Variants in SLC22A14 observed in about 807,000 individuals in gnomAD.
SLC22A14 encodes organic cation transporter-like 4.
A neutral mutation model predicts 53.9 loss-of-function variants in SLC22A14; 50 were observed. The ratio of observed to expected loss-of-function variants is 0.93; its 90% confidence interval spans 0.74 to 1.17. The LOEUF (loss-of-function observed/expected upper bound fraction) is 1.17. SLC22A14 is among the 50% of genes most tolerant of loss of function. SLC22A14 has a pLI of 0.00. For synonymous variants in SLC22A14, 312 were observed against 303.0 expected, an observed-to-expected ratio of 1.03 and a Z score of -0.31; for missense variants, 671 against 734.7, an observed-to-expected ratio of 0.91 and a Z score of 1.00.
chr3:38,300,214 C>T (rs890944023), intron 1 of SLC22A14, among the ~76,000 whole-genome samples: 2 of 152,062 alleles, frequency 1.3e-5, no homozygotes, highest in Non-Finnish European at 2.9e-5. Flanking sequence ...CCAAGGTGGG[C>T]GGATCACCTA....
intron 1 of SLC22A14, among the ~76,000 whole-genome samples, chr3:38,304,190 CAA>C (rs71245390): frequency 4.9e-5 from 6 of 121,572 alleles, no homozygotes; most frequent in Admixed American, 1.7e-4. Flanking sequence ...GACTCTGTCT[CAA>C]AAAAAAAAAA....
chr3:38,298,554 TTG>T (rs112527761), intron 1 of SLC22A14, among the ~76,000 whole-genome samples: 31 of 148,836 alleles, frequency 2.1e-4, no homozygotes, highest in Admixed American at 4.0e-4. Flanking sequence ...CTTCCCTGTC[TTG>T]TGTGTGTGTG....
upstream of SLC22A14, among the ~76,000 whole-genome samples, chr3:38,281,460 GC>G (rs1286169694): frequency 6.6e-6 from 1 of 152,134 alleles, no homozygotes; most frequent in Non-Finnish European, 1.5e-5. Context: ...TCTGGTAAGG[GC>G]CTTCTTGCTG....
At chr3:38,288,060 C>T (rs891301342) in intron 1 of SLC22A14, among the ~76,000 whole-genome samples, 5 of 152,170 alleles carry the variant, frequency 3.3e-5, no homozygotes, top group African/African-American at 1.2e-4. Context: ...TTCATTTTCC[C>T]AAGCTGAAAT....
chr3:38,302,570 T>G (rs924621084), intron 1 of SLC22A14, among the ~76,000 whole-genome samples: 1 of 151,974 alleles, frequency 6.6e-6, no homozygotes, highest in Non-Finnish European at 1.5e-5. Context: ...GGTGGGAAGA[T>G]TGCTTGAGCC....
intron 10 of SLC22A14, among the ~76,000 whole-genome samples, chr3:38,316,968 G>T (rs1575427455): frequency 6.6e-6 from 1 of 152,224 alleles, no homozygotes; most frequent in East Asian, 1.9e-4. Context: ...AAGGACTCTG[G>T]CCTCTTGGCC....
chr3:38,296,332 C>A (rs1002505523), intron 1 of SLC22A14, among the ~76,000 whole-genome samples: 1 of 151,582 alleles, frequency 6.6e-6, no homozygotes. Context: ...GACCAACGTT[C>A]CCAACCCAGA....
chr3:38,310,978 C>G (rs1441166971), intron 5 of SLC22A14, among the ~76,000 whole-genome samples: 6 of 152,214 alleles, frequency 3.9e-5, no homozygotes, highest in African/African-American at 1.4e-4. Flanking sequence ...ATCTCTCTCA[C>G]TGTCTGGAAT....
At chr3:38,314,219 T>C (rs1271482301) in intron 8 of SLC22A14, among the ~76,000 whole-genome samples, 1 of 152,200 alleles carries the variant, frequency 6.6e-6, no homozygotes, top group Non-Finnish European at 1.5e-5. Flanking sequence ...TTCCACCAGA[T>C]TCCAATCCAC....
Position 38,307,137 on chromosome 3 carries a change from A to G in SLC22A14, c.517-117A>G, listed in dbSNP as rs1704327122. 1 of 755,332 alleles carries G rather than the reference A, an allele frequency of 1.3e-6. No individual in the cohort carries two copies. The highest frequency in any genetic ancestry group is 1.7e-5 in the African/African-American group (1 of 58,628). 46.8% of individuals were successfully genotyped at this position (755,332 alleles called of 1,614,324 possible). A position where few individuals can be genotyped will look rare whatever the true frequency, so the allele number is the denominator to read the frequency against. On this transcript the variant is annotated intron_variant, in intron 2 of 10. Coordinates refer to ENST00000448498, the MANE Select transcript of SLC22A14 (RefSeq NM_001320033.2). The surrounding 1 kb of genome is among the most constrained non-coding windows in gnomAD (Gnocchi z 4.4). ...AGGCAACAGCTGAGGCACGCTGCAC[A>G]CTGTTAACTGCCCCTACCCCAGGTC...
chr3:38,311,939 C>T (rs1704479162), intron 5 of SLC22A14, among the ~76,000 whole-genome samples: 3 of 152,192 alleles, frequency 2.0e-5, no homozygotes, highest in Admixed American at 2.0e-4. Context: ...GGCCAATCCC[C>T]CATCTTTTTG....
At chr3:38,287,828 A>G (rs528267373) in intron 1 of SLC22A14, among the ~76,000 whole-genome samples, 1 of 152,332 alleles carries the variant, frequency 6.6e-6, no homozygotes, top group East Asian at 1.9e-4. Context: ...ATTCATGACC[A>G]TGAGATAGCT....
chr3:38,293,170 G>T (rs891705491), intron 1 of SLC22A14, among the ~76,000 whole-genome samples: 6 of 152,174 alleles, frequency 3.9e-5, no homozygotes, highest in African/African-American at 1.4e-4. Context: ...TGGGGCAGTG[G>T]GCCTTCCAGT....
Position 38,313,919 on chromosome 3 carries a change from G to GCTT in SLC22A14, c.1359_1361dup (p.Leu455dup). The GCTT allele has an allele frequency of 1.2e-6, 2 of 1,613,866 alleles. No individual in the cohort carries two copies. The highest frequency in any genetic ancestry group is 1.7e-6 in the Non-Finnish European group (2 of 1,179,954). ...TCCTCCAAGCCATCATCTGGTGCTT[G>GCTT]CTTCTCCTTTTCCTCCCTGAAGGTA... On this transcript the variant is annotated inframe_insertion, in exon 8 of 11. Coordinates refer to ENST00000448498, the MANE Select transcript of SLC22A14 (RefSeq NM_001320033.2).
At chr3:38,309,844 A>G (rs762096198) in intron 5 of SLC22A14, among the ~76,000 whole-genome samples, 1 of 152,188 alleles carries the variant, frequency 6.6e-6, no homozygotes, top group Non-Finnish European at 1.5e-5. Flanking sequence ...GCATGAAGCA[A>G]TGATCATATT....
At chr3:38,315,827 G>C in intron 9 of SLC22A14, 116 bp downstream of exon 9, 1 of 1,058,940 alleles carries the variant, frequency 9.4e-7, no homozygotes, top group East Asian at 2.4e-5. Flanking sequence ...GTGCTAAACA[G>C]TTTACATAAG....
At chr3:38,290,319 A>T (rs1464732857) in intron 1 of SLC22A14, among the ~76,000 whole-genome samples, 1 of 152,218 alleles carries the variant, frequency 6.6e-6, no homozygotes, top group Non-Finnish European at 1.5e-5. Context: ...GATGTCATCA[A>T]CATTGGAGCG....
At chr3:38,314,058 C>T (rs2125892528) in intron 8 of SLC22A14, 117 bp downstream of exon 8, 2 of 762,058 alleles carry the variant, frequency 2.6e-6, no homozygotes, top group East Asian at 2.6e-5. Flanking sequence ...GCCTTCTGCA[C>T]CTATAGCCCA....
rs752765312 is a variant in SLC22A14 at position 38,313,726 on chromosome 3, G to A, written c.1164-1G>A. 3.1e-6 allele frequency: 5 copies of A among 1,607,170 alleles called. No individual in the cohort carries two copies. In the Admixed American group the frequency reaches 5.0e-5, roughly 16 times the overall value. ...CGCACTTGCCTCCTGGCTTCATCCA[G>A]GTTTACCGTCAGTTACACCTATTTT... On this transcript the variant is annotated splice_acceptor_variant, in intron 7 of 10. Transcript: ENST00000448498. LOFTEE classifies it high-confidence loss of function.
Sources: allele counts gnomAD v4.1 joint callset (sites outside exome capture counted in the v4.1 genomes callset), GRCh38; gene constraint gnomAD v4.1.1; non-coding constraint Gnocchi (gnomAD v3.1); transcripts MANE v1.5; gene names NCBI Gene and HGNC (gene_info 2026-07-23, HGNC 2026-07-21).